CCDC157: variants seen among roughly 807,000 people sequenced by gnomAD.
CCDC157 encodes coiled-coil domain containing 157.
In CCDC157, 60 loss-of-function variants were observed where a neutral mutation model predicts 70.9. The ratio of observed to expected loss-of-function variants is 0.85; its 90% CI spans 0.69 to 1.05. The LOEUF is 1.05. CCDC157 is among the 50% of genes least tolerant of loss of function. The pLI is 0.00. For missense variants in CCDC157, 943 were observed against 984.2 expected, an observed-to-expected ratio of 0.96 and a Z score of 0.56; for synonymous variants, 373 against 422.4, an observed-to-expected ratio of 0.88 and a Z score of 1.43.
Position 30,375,506 on chromosome 22 carries a change from A to C in CCDC157, c.1700A>C (p.Gln567Pro), listed in dbSNP as rs746508424. The C allele has an allele frequency of 3.1e-6, 5 of 1,614,086 alleles. No individual in the cohort carries two copies. The Admixed American group carries it at 8.3e-5, about 27-fold the overall frequency. The change falls in exon 10 of 12, where the codon CAG becomes CCG. Residue 567 changes from glutamine (Q) to proline (P), a missense_variant. By Grantham distance (76) the Gln-to-Pro change is moderately conservative. Coordinates refer to ENST00000338306, the MANE Select transcript of CCDC157 (RefSeq NM_001017437.5). ...HGGRSSSVES[Q>P]ITCPTDSGNV... is the part of the protein sequence containing the mutation. ...GGCAGATCCAGCAGCGTGGAATCCC[A>C]GATAACATGTCCCACAGACTCTGGC...
chr22:30,367,346 C>A (rs1220922011), intron 3 of CCDC157, among the ~76,000 whole-genome samples: 6 of 151,920 alleles, frequency 3.9e-5, no homozygotes. Flanking sequence ...AGAGATTCTC[C>A]TGCTTCAGCC....
chr22:30,373,573 C>G, intron 7 of CCDC157, 24 bp from the exon 8 acceptor site: 1 of 1,551,480 alleles, frequency 6.4e-7, no homozygotes, highest in Non-Finnish European at 8.7e-7. Context: ...CTCACAGCCT[C>G]CCTGCTTGTC....
rs1288041034 is a variant in CCDC157 at position 30,374,188 on chromosome 22, C to T, written c.1672+97C>T. ...GACACTGGGGACTGCAGCTCCCTAGCCTGCAGCAAGGGTGTTAAAGCCAGG... is the reference window on the plus strand; with the variant it reads ...GACACTGGGGACTGCAGCTCCCTAGTCTGCAGCAAGGGTGTTAAAGCCAGG... On this transcript the variant is annotated intron_variant, in intron 9 of 11. Coordinates refer to ENST00000338306, the MANE Select transcript of CCDC157 (RefSeq NM_001017437.5). 4.2e-6 allele frequency: 6 copies of T among 1,421,242 alleles called. No homozygotes were observed. The Admixed American group carries it at 1.1e-4, about 27-fold the overall frequency. The allele number at this position is 1,421,242 out of a possible 1,614,324, so 88.0% of individuals were successfully genotyped here.
chr22:30,376,797 T>G lies in CCDC157; in HGVS notation c.*52T>G. On this transcript the variant is annotated 3_prime_UTR_variant, in exon 12 of 12. Transcript: ENST00000338306. ...GGGAGGTGGCTGGCAGCCCACCCAC[T>G]GTAATAAAGCCCCAGCCATTGGCCC... is the stretch of plus-strand genomic sequence containing the variant. 3 of 1,536,734 alleles carry G rather than the reference T, an allele frequency of 2.0e-6. No individual in the cohort carries two copies. The highest frequency in any genetic ancestry group is 2.7e-6 in the Non-Finnish European group (3 of 1,127,452).
Position 30,376,878 on chromosome 22 carries a change from T to C in CCDC157, c.*133T>C. The C allele has an allele frequency of 1.1e-6, 1 of 924,736 alleles. No homozygotes were observed. The highest frequency in any genetic ancestry group is 1.6e-6 in the Non-Finnish European group (1 of 624,236). The allele number at this position is 924,736 out of a possible 1,614,324, so 57.3% of individuals were successfully genotyped here. A position where few individuals can be genotyped will look rare whatever the true frequency, so the allele number is the denominator to read the frequency against. On this transcript the variant is annotated 3_prime_UTR_variant, in exon 12 of 12. Transcript: ENST00000338306. The stretch of plus-strand genomic sequence containing the variant: ...GCCAAGGAAAGAACCCTTCCTTCCC[T>C]GTCCTGGGCAGGGGCCACTGAGTCC...
upstream of CCDC157, chr22:30,356,846 C>CT: frequency 7.9e-7 from 1 of 1,272,274 alleles, no homozygotes; most frequent in Non-Finnish European, 1.0e-6. Flanking sequence ...GCGGTGCCGC[C>CT]TCAAGACAGC....
At chr22:30,367,482 A>G (rs1932774668) in intron 3 of CCDC157, among the ~76,000 whole-genome samples, 1 of 151,968 alleles carries the variant, frequency 6.6e-6, no homozygotes, top group African/African-American at 2.4e-5. Flanking sequence ...CAGGTGATCC[A>G]TCTTCCTCGG....
chr22:30,366,291 C>T (rs202240153), intron 3 of CCDC157, 43 bp downstream of exon 3: 43 of 1,606,744 alleles, frequency 2.7e-5, no homozygotes, highest in African/African-American at 2.4e-4. Flanking sequence ...GATGCCAGCA[C>T]CTGCCCCTGA....
chr22:30,369,394 C>T, intron 3 of CCDC157, 38 bp from the exon 4 acceptor site: 1 of 1,450,520 alleles, frequency 6.9e-7, no homozygotes. Flanking sequence ...ATGTTAGCAC[C>T]AGCCTGGGCC....
rs1176225194 is a variant in CCDC157 at position 30,376,308 on chromosome 22, G to A, written c.1907G>A (p.Gly636Glu). Residue 636 changes from glycine (G) to glutamate (E), a missense_variant, in exon 11 of 12, where the codon GGA (glycine) becomes GAA (glutamate). Gly to Glu is a moderately conservative substitution (Grantham distance 98). Transcript: ENST00000338306. ...TCCCCTTCCAGCAAGGGAACCCAGG[G>A]AGCAACACCACCAGTCCAGGCCAAG... ...LWSPSSKGTQ[G>E]ATPPVQAKST... 6.8e-6 allele frequency: 11 copies of A among 1,613,748 alleles called. No individual in the cohort carries two copies. Among genetic ancestry groups the A allele is most frequent in the Non-Finnish European group, 9.3e-6 (11 of 1,179,912 alleles).
In CCDC157 at chr22:30,378,404, G is replaced by A. The variant is rs180682187; in HGVS notation, c.*1659G>A. On this transcript the variant is annotated 3_prime_UTR_variant, in exon 12 of 12. Coordinates refer to ENST00000338306, the MANE Select transcript of CCDC157 (RefSeq NM_001017437.5). Reference sequence around the variant, plus strand: ...AGCACTTTGGGAGGCCGAGGCAGGCGGATCACCTGAGATCGGGAGTTCGAG... The same window carrying A: ...AGCACTTTGGGAGGCCGAGGCAGGCAGATCACCTGAGATCGGGAGTTCGAG... The A allele has an allele frequency of 4.8e-5, 11 of 227,522 alleles. No individual in the cohort carries two copies. Among genetic ancestry groups the A allele is most frequent in the East Asian group, 2.2e-4 (2 of 9,024 alleles). 14.1% of individuals were successfully genotyped at this position (227,522 alleles called of 1,614,324 possible).
chr22:30,371,121 G>C lies in CCDC157; in HGVS notation c.1045+171G>C, dbSNP rs759939768. The C allele has an allele frequency of 1.0e-5, 8 of 785,742 alleles. No individual in the cohort carries two copies. The Admixed American group carries it at 1.1e-4, about 11-fold the overall frequency. The allele number at this position is 785,742 out of a possible 1,614,324, so 48.7% of individuals were successfully genotyped here. On this transcript the variant is annotated intron_variant, in intron 5 of 11. Transcript: ENST00000338306. ...GCAGCAAGGAAGGGGGTGTTCATCCGGTGGTGACACTGTGATCTCAGTCCC... is the reference window on the plus strand; with the variant it reads ...GCAGCAAGGAAGGGGGTGTTCATCCCGTGGTGACACTGTGATCTCAGTCCC...
chr22:30,375,920 G>A, intron 10 of CCDC157: 1 of 552,104 alleles, frequency 1.8e-6, no homozygotes, highest in East Asian at 3.1e-5. Context: ...GGGTGCGGCG[G>A]CTCATGCCTG....
At chr22:30,363,614 G>A (rs5749075) in intron 2 of CCDC157, among the ~76,000 whole-genome samples, 30,528 of 151,404 alleles carry the variant, frequency 0.2, 3,348 homozygotes, top group Middle Eastern at 0.35. Context: ...TAGATCAGTA[G>A]GGTGACTAGT....
Position 30,378,318 on chromosome 22 carries a change from C to T in CCDC157, c.*1573C>T. ...AGGTCAGCTTGCTATAAGACAGAAC[C>T]CAACCATGGGCATAAAATCCCTTTG... On this transcript the variant is annotated 3_prime_UTR_variant, in exon 12 of 12. Transcript: ENST00000338306. The T allele has an allele frequency of 9.1e-6, 3 of 328,698 alleles. No individual in the cohort carries two copies. The highest frequency in any genetic ancestry group is 7.2e-5 in the South Asian group (3 of 41,950). 20.4% of individuals were successfully genotyped at this position (328,698 alleles called of 1,614,324 possible).
Position 30,370,866 on chromosome 22 carries a change from G to C in CCDC157, c.961G>C (p.Glu321Gln). 6.2e-7 allele frequency: 1 copy of C among 1,612,290 alleles called. No individual in the cohort carries two copies. The highest frequency in any genetic ancestry group is 8.5e-7 in the Non-Finnish European group (1 of 1,180,000). Residue 321 changes from glutamate to glutamine, a missense_variant, in exon 5 of 12, where the codon GAG (glutamate) becomes CAG (glutamine). By Grantham distance (29) the Glu-to-Gln change is conservative. Transcript: ENST00000338306. ...CAAGCTGGAGCAGGCGCTGAAACAG[G>C]AGCAGGGGGCACGGCGGCGACAGGC... ...AGKLEQALKQ[E>Q]QGARRRQAEE...
chr22:30,362,416 G>T (rs1399426553), intron 2 of CCDC157, among the ~76,000 whole-genome samples: 1 of 152,222 alleles, frequency 6.6e-6, no homozygotes, highest in African/African-American at 2.4e-5. Flanking sequence ...GGGATGTTTG[G>T]CGGGGGGCCT....
chr22:30,365,854 G>A, intron 2 of CCDC157, 136 bp from the exon 3 acceptor site: 2 of 875,134 alleles, frequency 2.3e-6, no homozygotes, highest in Non-Finnish European at 3.4e-6. Flanking sequence ...ACCTGGGGCT[G>A]GGAAACAGAC....
chr22:30,359,994 A>C (rs1932217700), intron 1 of CCDC157, among the ~76,000 whole-genome samples: 1 of 152,116 alleles, frequency 6.6e-6, no homozygotes, highest in Non-Finnish European at 1.5e-5. Context: ...AAAACAAAAA[A>C]ATTAGCCAGG....
Sources: gnomAD v4.1 joint callset for allele counts (sites outside exome capture counted in the v4.1 genomes callset) on GRCh38, gnomAD v4.1.1 for gene constraint, MANE v1.5 for transcripts, NCBI Gene and HGNC (gene_info 2026-07-23, HGNC 2026-07-21) for gene names.